The following TRHDE variants were observed in gnomAD, a reference collection of about 807,000 sequenced individuals.
TRHDE encodes thyrotropin releasing hormone degrading enzyme, also known as thyrotropin-releasing hormone-degrading ectoenzyme.
A neutral mutation model predicts 125.7 loss-of-function variants in TRHDE; 72 were observed. The ratio of observed to expected loss-of-function variants is 0.57; its 90% CI spans 0.47 to 0.70. The LOEUF is 0.70. TRHDE is among the 30% of genes least tolerant of loss of function. TRHDE has a pLI of 0.00. For synonymous variants in TRHDE, 509 were observed against 509.1 expected (o/e 1.00, Z 0.00); for missense variants, 1,110 against 1,327.1 (o/e 0.84, Z 2.54).
At chr12:72,588,241 T>C (rs577730993) in intron 12 of TRHDE, among the ~76,000 whole-genome samples, 1 of 152,334 alleles carries the variant, frequency 6.6e-6, no homozygotes, top group South Asian at 2.1e-4. Flanking sequence ...AATAGCTTTG[T>C]ACATTTGGAA....
At chr12:72,450,414 AATTG>A (rs1283796677) in intron 3 of TRHDE, among the ~76,000 whole-genome samples, 37 of 152,074 alleles carry the variant, frequency 2.4e-4, no homozygotes, top group Admixed American at 5.2e-4. Flanking sequence ...TAACCATTAT[AATTG>A]ATAAATAAAA....
chr12:72,478,929 A>AC (rs1202962558), intron 5 of TRHDE, among the ~76,000 whole-genome samples: 2 of 151,100 alleles, frequency 1.3e-5, no homozygotes, highest in African/African-American at 4.9e-5. Flanking sequence ...TAGCAAAAAA[A>AC]AAAAAAAAAA....
At chr12:72,195,825 TG>T (rs1293714177) in intron 2 of TRHDE, among the ~76,000 whole-genome samples, 1 of 152,150 alleles carries the variant, frequency 6.6e-6, no homozygotes, top group Non-Finnish European at 1.5e-5. Context: ...TGGTGTTTCC[TG>T]GGTTTTCTTC....
At chr12:72,128,761 A>C (rs1350799434) in intron 2 of TRHDE, among the ~76,000 whole-genome samples, 3 of 152,314 alleles carry the variant, frequency 2.0e-5, no homozygotes, top group South Asian at 2.1e-4. Context: ...GGAGATTACA[A>C]AAATGAAAAC....
chr12:72,557,468 G>A (rs1023409330), intron 7 of TRHDE, among the ~76,000 whole-genome samples: 2 of 152,258 alleles, frequency 1.3e-5, no homozygotes, highest in Admixed American at 1.3e-4. Context: ...ACATGTAAAT[G>A]AATCCATATG....
intron 6 of TRHDE, among the ~76,000 whole-genome samples, chr12:72,500,433 C>T (rs141319680): frequency 6.6e-6 from 1 of 152,040 alleles, no homozygotes; most frequent in Admixed American, 6.6e-5. Flanking sequence ...CACTCTGTCG[C>T]CAGGCTGGAG....
At chr12:72,441,554 T>G (rs1373463760) in intron 3 of TRHDE, among the ~76,000 whole-genome samples, 1 of 151,896 alleles carries the variant, frequency 6.6e-6, no homozygotes, top group East Asian at 1.9e-4. Flanking sequence ...TACAGCTTCC[T>G]TTTAATCCTT....
chr12:72,365,778 T>C (rs1434962149), intron 2 of TRHDE, among the ~76,000 whole-genome samples: 3 of 152,118 alleles, frequency 2.0e-5, no homozygotes, highest in Admixed American at 2.0e-4. Flanking sequence ...CCGTAAGAAA[T>C]TTTTGCAAAT....
At chr12:72,416,564 GAGAT>G (rs1555184425) in intron 3 of TRHDE, among the ~76,000 whole-genome samples, 9 of 152,014 alleles carry the variant, frequency 5.9e-5, no homozygotes, top group Non-Finnish European at 1.5e-5. Context: ...TGTATGGTGA[GAGAT>G]AGAGGTCTAG....
chr12:72,509,135 A>G (rs1433509510), intron 6 of TRHDE, among the ~76,000 whole-genome samples: 1 of 152,138 alleles, frequency 6.6e-6, no homozygotes, highest in East Asian at 1.9e-4. Context: ...TTTTGCCAGA[A>G]TCATTTTCTG....
intron 1 of TRHDE, among the ~76,000 whole-genome samples, chr12:72,100,777 C>A (rs539977633): frequency 6.6e-6 from 1 of 152,272 alleles, no homozygotes; most frequent in Non-Finnish European, 1.5e-5. Context: ...AAGTGAAAGG[C>A]TTGTTTCCAT....
At chr12:72,373,881 TG>T (rs1871741395) in intron 2 of TRHDE, among the ~76,000 whole-genome samples, 1 of 152,150 alleles carries the variant, frequency 6.6e-6, no homozygotes, top group Admixed American at 6.6e-5. Flanking sequence ...ATAGGACATT[TG>T]GGGCCCTTGT....
rs1299886626 is a variant in TRHDE at position 72,303,254 on chromosome 12, A to G, written c.1188+16300A>G. ...AAAACAAAAGGGGTAAGATATAAAC[A>G]TTCCCTTTTAATATTAGGAAACAGC... On this transcript the variant is annotated intron_variant, in intron 2 of 18. Transcript: ENST00000261180. The G allele has an allele frequency of 8.5e-5, 13 of 152,274 alleles. No individual in the cohort carries two copies. In the South Asian group the frequency reaches 2.7e-3, roughly 32 times the overall value. The allele number at this position is 152,274 out of a possible 1,614,324, so 9.4% of individuals were successfully genotyped here.
chr12:72,382,666 G>T (rs940170344), intron 3 of TRHDE, among the ~76,000 whole-genome samples: 4 of 152,124 alleles, frequency 2.6e-5, no homozygotes, highest in Non-Finnish European at 5.9e-5. Context: ...TGAAGCTTTG[G>T]AAGGAATGTT....
At chr12:72,193,583 A>G (rs1877380802) in intron 2 of TRHDE, among the ~76,000 whole-genome samples, 1 of 152,158 alleles carries the variant, frequency 6.6e-6, no homozygotes, top group Non-Finnish European at 1.5e-5. Flanking sequence ...TCTACCAGAC[A>G]GTCTAGGCTT....
At chr12:72,659,599 A>C (rs190023735) in intron 18 of TRHDE, among the ~76,000 whole-genome samples, 2 of 152,220 alleles carry the variant, frequency 1.3e-5, no homozygotes, top group Non-Finnish European at 2.9e-5. Context: ...AATTTATCTT[A>C]TGATGTTGAT....
At position 72,621,098 on chromosome 12, in the gene TRHDE, C is replaced by A. The variant is rs752749392; in HGVS notation, c.2470-10C>A. On this transcript the variant is annotated splice_polypyrimidine_tract_variant and intron_variant, in intron 13 of 18. Coordinates refer to ENST00000261180, the MANE Select transcript of TRHDE (RefSeq NM_013381.3). The stretch of plus-strand genomic sequence containing the variant: ...TGACCTTATCTTTATTTATTCTATA[C>A]CCCATTTAGGAATATATTTTAAAGC... 6.6e-6 allele frequency: 10 copies of A among 1,508,768 alleles called. No homozygotes were observed. Among genetic ancestry groups the A allele is most frequent in the Non-Finnish European group, 8.3e-6 (9 of 1,087,696 alleles). The allele number at this position is 1,508,768 out of a possible 1,614,324, so 93.5% of individuals were successfully genotyped here. A position where few individuals can be genotyped will look rare whatever the true frequency, so the allele number is the denominator to read the frequency against.
chr12:72,651,239 TACACACTTGGTATAGTG>T (rs1874493461), intron 15 of TRHDE, among the ~76,000 whole-genome samples: 1 of 152,134 alleles, frequency 6.6e-6, no homozygotes, highest in Non-Finnish European at 1.5e-5. Flanking sequence ...CTTAGAATTC[TACACACTTGGTATAGTG>T]CCACATATTC....
chr12:72,525,263 T>C (rs545216073), intron 6 of TRHDE, among the ~76,000 whole-genome samples: 69 of 152,270 alleles, frequency 4.5e-4, no homozygotes, highest in Non-Finnish European at 8.5e-4. Flanking sequence ...AGAATCTCCA[T>C]TTAAAATAAG....
Sources: allele counts gnomAD v4.1 joint callset (sites outside exome capture counted in the v4.1 genomes callset), GRCh38; gene constraint gnomAD v4.1.1; transcripts MANE v1.5; gene names NCBI Gene and HGNC (gene_info 2026-07-23, HGNC 2026-07-21).